The following EEF1E1 variants were observed in gnomAD, a reference collection of about 807,000 sequenced individuals.
EEF1E1 encodes the protein eukaryotic translation elongation factor 1 epsilon-1.
Under a neutral mutation model 19.9 loss-of-function variants are expected in EEF1E1, and 19 were observed. The observed-to-expected ratio is 0.95, with a 90% CI of 0.66 to 1.40. The LOEUF is 1.40. Among genes scored for constraint, EEF1E1 ranks in the 40% most tolerant of loss-of-function variants. The probability of loss-of-function intolerance (pLI) is 0.00; values close to 1 mark genes in which losing one functional copy is unlikely to be tolerated. For missense variants in EEF1E1, 198 were observed against 202.2 expected (o/e 0.98, Z 0.13); for synonymous variants, 81 against 80.0 (o/e 1.01, Z -0.07).
Position 8,079,795 on chromosome 6 carries a change from A to G in EEF1E1, c.*95T>C. 2.9e-6 allele frequency: 4 copies of G among 1,398,452 alleles called. No individual in the cohort carries two copies. In the South Asian group the frequency reaches 7.9e-5, roughly 28 times the overall value. The allele number at this position is 1,398,452 out of a possible 1,614,324, so 86.6% of individuals were successfully genotyped here. A position where few individuals can be genotyped will look rare whatever the true frequency, so the allele number is the denominator to read the frequency against. ...TTCTATCAACTTCAACAAATAATGA[A>G]TGACTGTATATTAATTTACATTAGT... On this transcript the variant is annotated 3_prime_UTR_variant, in exon 4 of 4. Coordinates refer to ENST00000379715, the MANE Select transcript of EEF1E1 (RefSeq NM_004280.5).
downstream of EEF1E1, among the ~76,000 whole-genome samples, chr6:8,075,562 A>AT (rs1337964848): frequency 2.6e-5 from 4 of 152,258 alleles, no homozygotes; most frequent in African/African-American, 9.6e-5. Flanking sequence ...ACTAAAAAAA[A>AT]TTTTATTGCT....
At chr6:8,089,366 A>G (rs1757953924) in intron 3 of EEF1E1, among the ~76,000 whole-genome samples, 1 of 152,186 alleles carries the variant, frequency 6.6e-6, no homozygotes. Flanking sequence ...AGGGGAGTTT[A>G]TTAAGTATTA....
intron 3 of EEF1E1, 198 bp downstream of exon 3, chr6:8,089,988 T>G (rs1249373070): frequency 1.7e-5 from 7 of 402,730 alleles, no homozygotes; most frequent in African/African-American, 1.2e-4. Flanking sequence ...TTTTAAATTT[T>G]ATTATTATTA....
downstream of EEF1E1, among the ~76,000 whole-genome samples, chr6:8,076,437 T>C (rs188816511): frequency 1.3e-3 from 204 of 151,786 alleles, 2 homozygotes; most frequent in East Asian, 0.034. Context: ...TATTCTCCTG[T>C]CTCAGCCTCT....
chr6:8,087,798 G>C (rs1023390645), intron 3 of EEF1E1, among the ~76,000 whole-genome samples: 2 of 139,832 alleles, frequency 1.4e-5, no homozygotes, highest in Admixed American at 1.4e-4. Context: ...TGGATCACAG[G>C]AAAAGACACA....
At chr6:8,087,493 C>T (rs1230639403) in intron 3 of EEF1E1, among the ~76,000 whole-genome samples, 2 of 152,212 alleles carry the variant, frequency 1.3e-5, no homozygotes, top group Non-Finnish European at 2.9e-5. Flanking sequence ...GCTGGGATTA[C>T]AGGCGTGAGC....
chr6:8,076,925 G>GGT (rs1757604702), downstream of EEF1E1, among the ~76,000 whole-genome samples: 1 of 133,580 alleles, frequency 7.5e-6, no homozygotes, highest in East Asian at 2.5e-4. Context: ...GATGTAGCAT[G>GGT]ATTTTTTTTG....
chr6:8,086,038 T>C (rs893823208), intron 3 of EEF1E1, among the ~76,000 whole-genome samples: 2 of 152,168 alleles, frequency 1.3e-5, no homozygotes, highest in Non-Finnish European at 2.9e-5. Context: ...AAACTCATAA[T>C]AGTTTTACAT....
chr6:8,096,179 C>T (rs1758169073), intron 2 of EEF1E1, among the ~76,000 whole-genome samples: 1 of 152,188 alleles, frequency 6.6e-6, no homozygotes, highest in African/African-American at 2.4e-5. Context: ...AAACCCAATT[C>T]ATTGAAATTC....
chr6:8,099,800 A>AAAAC (rs1758290737), intron 1 of EEF1E1, among the ~76,000 whole-genome samples: 1 of 149,750 alleles, frequency 6.7e-6, no homozygotes, highest in African/African-American at 2.5e-5. Context: ...ACAAAAAAAA[A>AAAAC]ACAGAACCCT....
At chr6:8,101,898 A>T in intron 1 of EEF1E1, 6 of 1,249,944 alleles carry the variant, frequency 4.8e-6, no homozygotes, top group Non-Finnish European at 5.2e-6. Context: ...TTATGGTGCA[A>T]CGTGGCACTC....
In EEF1E1 at chr6:8,086,227, G is replaced by A. The variant is rs567645697; in HGVS notation, c.384+3959C>T. 1.6e-4 allele frequency among the ~76,000 whole-genome samples: 25 copies of A among 152,172 alleles called. 1 individual carries two copies. In the South Asian group the frequency reaches 4.4e-3, roughly 27 times the overall value. On this transcript the variant is annotated intron_variant, in intron 3 of 3. Coordinates refer to ENST00000379715, the MANE Select transcript of EEF1E1 (RefSeq NM_004280.5). ...ATTACGGTACGTTTGCGGGGTGAGG[G>A]GAAACTAAAAGGAATCCACTTCTAT...
In EEF1E1 at chr6:8,102,254, A is replaced by C. The variant is rs967576455; in HGVS notation, c.87+181T>G. 2.5e-5 allele frequency: 13 copies of C among 529,102 alleles called. No individual in the cohort carries two copies. The African/African-American group carries it at 2.7e-4, about 11-fold the overall frequency. The allele number at this position is 529,102 out of a possible 1,614,324, so 32.8% of individuals were successfully genotyped here. On this transcript the variant is annotated intron_variant, in intron 1 of 3. Transcript: ENST00000379715. ...GAGCTGGTTAACCCCTCCCTCCAGG[A>C]GGTAGGATGGCAGGGGCCGAGGCCC...
rs369827562 is a variant in EEF1E1, at chr6:8,073,602, ATTG to A, written c.385-95_385-93del. 1,111 of 1,483,148 alleles carry A rather than the reference ATTG, an allele frequency of 7.5e-4. 13 individuals carry two copies. The African/African-American group carries it at 0.013, about 17-fold the overall frequency. 91.9% of individuals were successfully genotyped at this position (1,483,148 alleles called of 1,614,324 possible). A position where few individuals can be genotyped will look rare whatever the true frequency, so the allele number is the denominator to read the frequency against. On this transcript the variant is annotated intron_variant, in intron 3 of 3. Transcript: ENST00000429723. The stretch of plus-strand genomic sequence containing the variant: ...AAATGCTCAATAAATGTTATCTATT[ATTG>A]TTGTTATTAAAAGTTTTAACAGATA...
downstream of EEF1E1, among the ~76,000 whole-genome samples, chr6:8,075,933 A>G (rs185411564): frequency 6.6e-6 from 1 of 152,178 alleles, no homozygotes; most frequent in African/African-American, 2.4e-5. Flanking sequence ...CACTAGGAAT[A>G]AAGTCCACCT....
chr6:8,079,665 C>A lies in EEF1E1; in HGVS notation c.*225G>T. On this transcript the variant is annotated 3_prime_UTR_variant, in exon 4 of 4. Transcript: ENST00000379715. Reference sequence around the variant, plus strand: ...TACTAAAAACAAGGTTAATTTATAACTGGATCTCAACTTGTTTAATAGCAA... The same window carrying A: ...TACTAAAAACAAGGTTAATTTATAAATGGATCTCAACTTGTTTAATAGCAA... 8.3e-7 allele frequency: 1 copy of A among 1,205,002 alleles called. No individual in the cohort carries two copies. The highest frequency in any genetic ancestry group is 4.0e-5 in the Admixed American group (1 of 24,776). 74.6% of individuals were successfully genotyped at this position (1,205,002 alleles called of 1,614,324 possible).
At chr6:8,073,459 C>T (rs370475938) in exon 4 of EEF1E1, 72 of 1,551,264 alleles carry the variant, frequency 4.6e-5, no homozygotes, top group Non-Finnish European at 6.2e-5. Flanking sequence ...ATCTCAGTTC[C>T]TTGTATGATG....
chr6:8,097,493 A>G (rs1758206816), intron 1 of EEF1E1, 26 bp from the exon 2 acceptor site: 3 of 1,587,962 alleles, frequency 1.9e-6, no homozygotes, highest in African/African-American at 2.7e-5. Flanking sequence ...AAGTTCACAG[A>G]ATTTAAAAAA....
chr6:8,073,557 A>C (rs1757529742), intron 3 of EEF1E1: 1 of 1,549,820 alleles, frequency 6.5e-7, no homozygotes, highest in African/African-American at 1.4e-5. Context: ...AAGCACTTAG[A>C]ATAGTGCCTG....
Sources: allele counts gnomAD v4.1 joint callset (sites outside exome capture counted in the v4.1 genomes callset), GRCh38; gene constraint gnomAD v4.1.1; transcripts MANE v1.5; gene names NCBI Gene and HGNC (gene_info 2026-07-23, HGNC 2026-07-21).